Variants in PLAUR observed in about 807,000 individuals in gnomAD.
PLAUR encodes plasminogen activator, urokinase receptor.
PLAUR carries 22 observed loss-of-function variants against 33.4 expected under a neutral mutation model. The ratio of observed to expected loss-of-function variants is 0.66; its 90% CI spans 0.47 to 0.94. PLAUR has a LOEUF of 0.94. Among genes scored for constraint, PLAUR ranks in the 40% least tolerant of loss-of-function variants. PLAUR has a pLI of 0.00. For missense variants in PLAUR, 408 were observed against 434.7 expected (o/e 0.94, Z 0.55); for synonymous variants, 148 against 167.3 (o/e 0.88, Z 0.89).
intron 5 of PLAUR, among the ~76,000 whole-genome samples, 160 bp from the exon 6 acceptor site, chr19:43,652,531 G>C (rs1339991557): frequency 6.6e-6 from 1 of 152,112 alleles, no homozygotes; most frequent in South Asian, 2.1e-4. Flanking sequence ...TGGTTTTCGA[G>C]GGCTTGAGAG....
At chr19:43,652,601 T>C (rs1398292540) in intron 5 of PLAUR, among the ~76,000 whole-genome samples, 1 of 152,128 alleles carries the variant, frequency 6.6e-6, no homozygotes, top group Non-Finnish European at 1.5e-5. Flanking sequence ...TGCTGGGTGC[T>C]GGGTAAAACT....
intron 1 of PLAUR, among the ~76,000 whole-genome samples, chr19:43,669,737 G>C (rs1319574659): frequency 3.3e-5 from 5 of 149,834 alleles, no homozygotes; most frequent in Non-Finnish European, 7.4e-5. Flanking sequence ...GCTTGAACCC[G>C]GGCGGCAGAG....
chr19:43,650,497 T>C (rs1973952726), intron 6 of PLAUR, among the ~76,000 whole-genome samples: 1 of 151,890 alleles, frequency 6.6e-6, no homozygotes, highest in African/African-American at 2.4e-5. Flanking sequence ...AGCTAACTTT[T>C]GTATTTTCTG....
chr19:43,654,402 G>A (rs753639140), intron 5 of PLAUR, among the ~76,000 whole-genome samples: 1 of 152,140 alleles, frequency 6.6e-6, no homozygotes, highest in Non-Finnish European at 1.5e-5. Flanking sequence ...CTAAGAGGAA[G>A]GGGAAGTCAT....
intron 3 of PLAUR, among the ~76,000 whole-genome samples, chr19:43,664,681 C>A (rs1168294757): frequency 6.6e-6 from 1 of 152,202 alleles, no homozygotes; most frequent in Non-Finnish European, 1.5e-5. Context: ...GAGGATTCTC[C>A]CAGCCTACTG....
At chr19:43,669,581 G>T (rs969876789) in intron 1 of PLAUR, among the ~76,000 whole-genome samples, 19 of 152,210 alleles carry the variant, frequency 1.2e-4, no homozygotes, top group African/African-American at 4.1e-4. Context: ...GGAGGCCGAG[G>T]CAGGTGGATC....
Position 43,656,527 on chromosome 19 carries a change from C to T in PLAUR, c.424G>A (p.Glu142Lys). 1 of 1,610,860 alleles carries T rather than the reference C, an allele frequency of 6.2e-7. No homozygotes were observed. Among genetic ancestry groups the T allele is most frequent in the Non-Finnish European group, 8.5e-7 (1 of 1,178,092 alleles). The change falls in exon 4 of 7, where the codon GAA (glutamate) becomes AAA (lysine). Residue 142 changes from glutamate (E) to lysine (K), a missense_variant. By Grantham distance (56) the Glu-to-Lys change is moderately conservative (BLOSUM62 1). Coordinates refer to ENST00000340093, the MANE Select transcript of PLAUR (RefSeq NM_002659.4). Reference sequence around the variant, plus strand: ...TGGGTCACCACATCCAGGCACTGTTCTTCAGGGCTGCGGCACTGCAGGCTC... The same window carrying T: ...TGGGTCACCACATCCAGGCACTGTTTTTCAGGGCTGCGGCACTGCAGGCTC... The part of the protein sequence containing the change: ...HQSLQCRSPE[E>K]QCLDVVTHWI...
rs200445479 is a variant in PLAUR, at chr19:43,655,430, G to A, written c.607+9C>T. ...ACCCCAGGCCTTGCCTGTGTCTCCC[G>A]TTCCTTACTTGGGCCCTCGTTGCAT... is the stretch of plus-strand genomic sequence containing the variant. On this transcript the variant is annotated intron_variant, in intron 5 of 6. Transcript: ENST00000340093. 233 of 1,613,866 alleles carry A rather than the reference G, an allele frequency of 1.4e-4. No homozygotes were observed. Among genetic ancestry groups the A allele is most frequent in the Admixed American group, 3.5e-4 (21 of 60,002 alleles).
intron 3 of PLAUR, among the ~76,000 whole-genome samples, chr19:43,663,321 ACAC>A: frequency 6.7e-6 from 1 of 150,268 alleles, no homozygotes; most frequent in African/African-American, 2.5e-5. Context: ...ACACACACAC[ACAC>A]ACACACACAC....
chr19:43,646,640 GCAGT>G, downstream of PLAUR: 1 of 682,494 alleles, frequency 1.5e-6, no homozygotes, highest in Non-Finnish European at 2.7e-6. Flanking sequence ...ACTGGTCAAA[GCAGT>G]CACAGAGTCA....
chr19:43,649,470 A>G (rs1973898948), intron 6 of PLAUR, among the ~76,000 whole-genome samples: 1 of 150,970 alleles, frequency 6.6e-6, no homozygotes, highest in Admixed American at 6.6e-5. Flanking sequence ...AGCTCAGGAG[A>G]TGGAGGCTGT....
At chr19:43,661,545 T>G (rs1427377040) in intron 3 of PLAUR, 1 of 152,200 alleles carries the variant, frequency 6.6e-6, no homozygotes, top group African/African-American at 2.4e-5. Flanking sequence ...CACAGGCATG[T>G]GCCACCACGC....
chr19:43,659,112 G>A (rs1002405417), intron 3 of PLAUR, among the ~76,000 whole-genome samples: 66 of 149,942 alleles, frequency 4.4e-4, no homozygotes, highest in African/African-American at 1.6e-3. Flanking sequence ...TCTCTGGTGT[G>A]AACTCTTGTA....
Position 43,648,602 on chromosome 19 carries a change from T to TA in PLAUR, c.*287dup. The TA allele has an allele frequency of 1.0e-6, 1 of 961,590 alleles. No homozygotes were observed. Among genetic ancestry groups the TA allele is most frequent in the East Asian group, 5.7e-5 (1 of 17,512 alleles). The allele number at this position is 961,590 out of a possible 1,614,324, so 59.6% of individuals were successfully genotyped here. A position where few individuals can be genotyped will look rare whatever the true frequency, so the allele number is the denominator to read the frequency against. ...TGTCCACTGGTACAAAATCTTTATG[T>TA]AAGTATAAAATAAATAATATGAATA... is the stretch of plus-strand genomic sequence containing the variant. On this transcript the variant is annotated 3_prime_UTR_variant, in exon 7 of 7. Transcript: ENST00000340093.
intron 5 of PLAUR, among the ~76,000 whole-genome samples, chr19:43,652,989 T>C (rs186265663): frequency 2.0e-5 from 3 of 151,942 alleles, no homozygotes; most frequent in Admixed American, 2.0e-4. Flanking sequence ...TACTAAAAAA[T>C]TTTTTTTGAG....
In PLAUR at chr19:43,665,443, C is replaced by A. The variant is rs777177825; in HGVS notation, c.183G>T (p.Glu61Asp). 9 of 1,613,094 alleles carry A rather than the reference C, an allele frequency of 5.6e-6. No homozygotes were observed. The highest frequency in any genetic ancestry group is 7.6e-6 in the Non-Finnish European group (9 of 1,179,896). The change falls in exon 3 of 7, where the codon GAG becomes GAT. Residue 61 changes from glutamate to aspartate, a missense_variant. Glu to Asp is a conservative substitution (Grantham distance 45). Coordinates refer to ENST00000340093, the MANE Select transcript of PLAUR (RefSeq NM_002659.4). ...VRLWEEGEEL[E>D]LVEKSCTHSE... ...AGTGGGTACAGCTTTTCTCCACCAG[C>A]TCCAGCTCTTCTCCTTCTGCAAGGA... is the stretch of plus-strand genomic sequence containing the variant.
intron 2 of PLAUR, 29 bp downstream of exon 2, chr19:43,667,552 A>T: frequency 6.9e-7 from 1 of 1,453,336 alleles, no homozygotes; most frequent in Non-Finnish European, 9.7e-7. Flanking sequence ...GCTGCGCTGG[A>T]GGGGTGTGTG....
intron 6 of PLAUR, among the ~76,000 whole-genome samples, chr19:43,651,028 T>C (rs973398534): frequency 9.4e-5 from 14 of 148,706 alleles, no homozygotes; most frequent in Non-Finnish European, 1.8e-4. Context: ...CAAGACTCCA[T>C]TTCAAAAAAA....
intron 1 of PLAUR, chr19:43,667,910 A>T (rs1156537361): frequency 7.2e-7 from 1 of 1,391,742 alleles, no homozygotes; most frequent in Non-Finnish European, 9.3e-7. Context: ...CCCTGCCCAC[A>T]AGTCCTTTCC....
Sources: allele counts gnomAD v4.1 joint callset (sites outside exome capture counted in the v4.1 genomes callset), GRCh38; gene constraint gnomAD v4.1.1; transcripts MANE v1.5; gene names NCBI Gene and HGNC (gene_info 2026-07-23, HGNC 2026-07-21).